TMEM132D: variants seen among roughly 807,000 people sequenced by gnomAD.
The protein encoded by TMEM132D is transmembrane protein 132D.
In TMEM132D, 21 loss-of-function variants were observed where a neutral mutation model predicts 62.3. The ratio of observed to expected loss-of-function variants is 0.34; its 90% confidence interval spans 0.24 to 0.49. The LOEUF (loss-of-function observed/expected upper bound fraction) is 0.49, where lower values mean the gene tolerates loss of function less well. Ranked by LOEUF, TMEM132D falls within the 20% of genes least tolerant of loss-of-function variation. TMEM132D has a pLI of 0.99. For synonymous variants in TMEM132D, 621 were observed against 575.6 expected (o/e 1.08, Z -1.13); for missense variants, 1,346 against 1,402.8 (o/e 0.96, Z 0.65).
At chr12:129,869,067 T>G (rs951231379) in intron 1 of TMEM132D, among the ~76,000 whole-genome samples, 6 of 143,682 alleles carry the variant, frequency 4.2e-5, no homozygotes, top group East Asian at 2.0e-4. Flanking sequence ...GCTTTGTGTT[T>G]TTTTTTTTTT....
chr12:129,134,882 G>A (rs968274866), intron 5 of TMEM132D, among the ~76,000 whole-genome samples: 19 of 152,256 alleles, frequency 1.2e-4, no homozygotes, highest in African/African-American at 3.9e-4. Context: ...AATCATCATG[G>A]TGCATGTCAT....
At chr12:129,168,105 A>G (rs977477417) in intron 5 of TMEM132D, among the ~76,000 whole-genome samples, 2 of 152,230 alleles carry the variant, frequency 1.3e-5, no homozygotes, top group African/African-American at 4.8e-5. Context: ...AGGAACAGTC[A>G]TGATGATTCT....
intron 3 of TMEM132D, among the ~76,000 whole-genome samples, chr12:129,495,181 G>C (rs1874914233): frequency 6.7e-6 from 1 of 148,926 alleles, no homozygotes; most frequent in Non-Finnish European, 1.5e-5. Context: ...CAAAAGCTTG[G>C]CTCATCTATT....
chr12:129,231,537 T>C (rs1051542534), intron 4 of TMEM132D, among the ~76,000 whole-genome samples: 9 of 152,208 alleles, frequency 5.9e-5, no homozygotes, highest in African/African-American at 2.2e-4. Flanking sequence ...TGTTCTTTTA[T>C]TGGTTGGGAG....
At position 129,903,434 on chromosome 12, in the gene TMEM132D, T is replaced by G; in HGVS notation, c.-95A>C. ...CCCTAGAGGCCCGCAGCGGGGCCGG[T>G]GGCGAGGGAGCGCCCGGCTAGGGGC... On this transcript the variant is annotated 5_prime_UTR_variant, in exon 1 of 9. Coordinates refer to ENST00000422113, the MANE Select transcript of TMEM132D (RefSeq NM_133448.3). This position sits in a 1 kb window ranked among gnomAD's most constrained non-coding sequence, Gnocchi z 6.2. 1 of 1,368,596 alleles carries G rather than the reference T, an allele frequency of 7.3e-7. No individual in the cohort carries two copies. The highest frequency in any genetic ancestry group is 1.0e-6 in the Non-Finnish European group (1 of 991,030). The allele number at this position is 1,368,596 out of a possible 1,614,324, so 84.8% of individuals were successfully genotyped here.
At chr12:129,655,768 C>G (rs1385616541) in intron 2 of TMEM132D, among the ~76,000 whole-genome samples, 1 of 152,132 alleles carries the variant, frequency 6.6e-6, no homozygotes, top group Non-Finnish European at 1.5e-5. Flanking sequence ...AAAATAGCAT[C>G]ATCTTAAAAG....
intron 3 of TMEM132D, among the ~76,000 whole-genome samples, chr12:129,489,258 G>A (rs1282657819): frequency 1.3e-5 from 2 of 152,054 alleles, no homozygotes; most frequent in Non-Finnish European, 2.9e-5. Context: ...ACAAATATTG[G>A]GTCATTCTCC....
intron 4 of TMEM132D, among the ~76,000 whole-genome samples, chr12:129,259,357 T>C (rs915552966): frequency 6.6e-6 from 1 of 152,116 alleles, no homozygotes; most frequent in African/African-American, 2.4e-5. Flanking sequence ...TGAGCAAACC[T>C]GGGAGAACTT....
At chr12:129,771,215 T>C (rs1870742653) in intron 1 of TMEM132D, among the ~76,000 whole-genome samples, 1 of 152,222 alleles carries the variant, frequency 6.6e-6, no homozygotes, top group African/African-American at 2.4e-5. Flanking sequence ...CCTTTGCACG[T>C]GTCATTCCTA....
At chr12:129,747,269 C>G (rs1869825847) in intron 1 of TMEM132D, among the ~76,000 whole-genome samples, 1 of 44,966 alleles carries the variant, frequency 2.2e-5, no homozygotes, top group South Asian at 9.1e-4. Context: ...GCCAGCCCAG[C>G]TTGGACCTTT....
At chr12:129,458,324 T>C (rs542585661) in intron 3 of TMEM132D, among the ~76,000 whole-genome samples, 62 of 151,692 alleles carry the variant, frequency 4.1e-4, no homozygotes, top group African/African-American at 1.3e-3. Flanking sequence ...GCAAAGGATA[T>C]AAAAAATTTA....
intron 2 of TMEM132D, among the ~76,000 whole-genome samples, chr12:129,635,279 C>G (rs1358980024): frequency 6.6e-6 from 1 of 152,188 alleles, no homozygotes; most frequent in Non-Finnish European, 1.5e-5. Context: ...TTCTTTCTCT[C>G]TCTTTTTTGA....
rs192830664 is a variant in TMEM132D at position 129,209,586 on chromosome 12, G to A, written c.1377C>T (p.Asp459=). ...CCAGCAGCTCTGTCACTGTGCCGTC[G>A]TCCTCCACGGAGACCACTTTCACCG... ...AVPVKVVSVE[D]DGTVTELLES... The change falls in exon 5 of 9, where the codon GAC becomes GAT. Residue 459 remains aspartate, a synonymous_variant. Coordinates refer to ENST00000422113, the MANE Select transcript of TMEM132D (RefSeq NM_133448.3). 196 of 1,614,154 alleles carry A rather than the reference G, an allele frequency of 1.2e-4. No homozygotes were observed. The highest frequency in any genetic ancestry group is 2.5e-4 in the East Asian group (11 of 44,866).
chr12:129,524,933 T>C (rs1282150285), intron 3 of TMEM132D, among the ~76,000 whole-genome samples: 1 of 124,582 alleles, frequency 8.0e-6, no homozygotes, highest in African/African-American at 3.1e-5. Context: ...TTTTCTTTTT[T>C]TTTTTTTTTT....
intron 1 of TMEM132D, among the ~76,000 whole-genome samples, chr12:129,792,546 C>A (rs972143635): frequency 6.6e-6 from 1 of 152,162 alleles, no homozygotes; most frequent in African/African-American, 2.4e-5. Context: ...AGGCGCTGTG[C>A]TGAGCATGGG....
chr12:129,677,761 G>A (rs910485187), intron 2 of TMEM132D, among the ~76,000 whole-genome samples: 1 of 151,508 alleles, frequency 6.6e-6, no homozygotes. Flanking sequence ...ATGTCCCTGC[G>A]TGACCCTCCC....
intron 1 of TMEM132D, among the ~76,000 whole-genome samples, chr12:129,718,298 A>T (rs1240431100): frequency 2.0e-5 from 3 of 152,158 alleles, no homozygotes; most frequent in Non-Finnish European, 4.4e-5. Flanking sequence ...GACCCTGGGG[A>T]TGGACTCAGT....
chr12:129,889,755 A>C lies in TMEM132D; in HGVS notation c.79+13506T>G, dbSNP rs1000825620. ...AATGCTGACCAGGACAGTAGTCCAG[A>C]GGCCTTTGGGATGACAAAAAAAGGA... On this transcript the variant is annotated intron_variant, in intron 1 of 8. Transcript: ENST00000422113. Among the ~76,000 whole-genome samples the C allele has an allele frequency of 5.9e-5, 9 of 152,318 alleles. 2 individuals carry two copies. In the South Asian group the frequency reaches 1.7e-3, roughly 28 times the overall value.
chr12:129,193,223 C>G (rs1162741218), intron 5 of TMEM132D, among the ~76,000 whole-genome samples: 2 of 151,088 alleles, frequency 1.3e-5, no homozygotes, highest in Non-Finnish European at 2.9e-5. Flanking sequence ...GTATGTGATA[C>G]AGTGTTTAAT....
Sources: gnomAD v4.1 joint callset for allele counts (sites outside exome capture counted in the v4.1 genomes callset) on GRCh38, gnomAD v4.1.1 for gene constraint, Gnocchi (gnomAD v3.1) non-coding constraint, MANE v1.5 for transcripts, NCBI Gene and HGNC (gene_info 2026-07-23, HGNC 2026-07-21) for gene names.